C1orf146: variants seen among roughly 807,000 people sequenced by gnomAD.
The protein encoded by C1orf146 is chromosome 1 open reading frame 146.
A neutral mutation model predicts 23.0 loss-of-function variants in C1orf146; 22 were observed. The observed-to-expected ratio is 0.96, with a 90% CI of 0.68 to 1.36. The LOEUF (loss-of-function observed/expected upper bound fraction) is 1.36, where lower values mean the gene tolerates loss of function less well. Among genes scored for constraint, C1orf146 ranks in the 40% most tolerant of loss-of-function variants. C1orf146 has a pLI of 0.00. For missense variants in C1orf146, 199 were observed against 206.8 expected, an observed-to-expected ratio of 0.96 and a Z score of 0.23; for synonymous variants, 59 against 65.3, an observed-to-expected ratio of 0.90 and a Z score of 0.47.
In C1orf146 at chr1:92,231,470, T is replaced by C; in HGVS notation, c.50T>C (p.Ile17Thr). 1.2e-6 allele frequency: 2 copies of C among 1,610,714 alleles called. No homozygotes were observed. Among genetic ancestry groups the C allele is most frequent in the South Asian group, 2.2e-5 (2 of 90,160 alleles). ...EKIKWTTTII[I>T]SSSLKSYEVA... ...ATAAAATGGACAACCACCATTATTA[T>C]TAGCTCATCTCTTAAGGTAAAGGGG... The change falls in exon 2 of 6, where the codon ATT (isoleucine) becomes ACT (threonine). Residue 17 changes from isoleucine to threonine, a missense_variant. Ile to Thr is a moderately conservative substitution (Grantham distance 89, BLOSUM62 -1). Transcript: ENST00000370375.
At chr1:92,236,980 C>G (rs1325424368) in intron 2 of C1orf146, among the ~76,000 whole-genome samples, 1 of 152,178 alleles carries the variant, frequency 6.6e-6, no homozygotes, top group Non-Finnish European at 1.5e-5. Context: ...AAGCACTTCT[C>G]TGTATTGTTT....
chr1:92,235,083 G>A (rs1333896272), intron 2 of C1orf146, among the ~76,000 whole-genome samples: 1 of 151,852 alleles, frequency 6.6e-6, no homozygotes, highest in Non-Finnish European at 1.5e-5. Flanking sequence ...TTAATTTTTT[G>A]AAGGGTTTTT....
chr1:92,222,222 C>A (rs891947735), intron 1 of C1orf146, among the ~76,000 whole-genome samples: 10 of 152,108 alleles, frequency 6.6e-5, no homozygotes, highest in Non-Finnish European at 1.3e-4. Flanking sequence ...GCCATAGTGA[C>A]AGAGTGAGAT....
At chr1:92,239,996 A>G (rs1253728455) in intron 2 of C1orf146, among the ~76,000 whole-genome samples, 2 of 152,198 alleles carry the variant, frequency 1.3e-5, no homozygotes, top group Admixed American at 6.5e-5. Flanking sequence ...ACATCTGGCT[A>G]TGAGAGAATT....
intron 2 of C1orf146, among the ~76,000 whole-genome samples, chr1:92,234,634 T>C (rs1652227158): frequency 6.6e-6 from 1 of 152,232 alleles, no homozygotes; most frequent in African/African-American, 2.4e-5. Flanking sequence ...ATAAAATGAG[T>C]TAGGGAGGAT....
chr1:92,227,559 T>C (rs1234414900), intron 1 of C1orf146, among the ~76,000 whole-genome samples: 1 of 151,982 alleles, frequency 6.6e-6, no homozygotes, highest in Admixed American at 6.6e-5. Context: ...AAAATAAAAA[T>C]AAAGAACTTC....
intron 1 of C1orf146, among the ~76,000 whole-genome samples, chr1:92,218,477 T>C (rs1651735328): frequency 6.6e-6 from 1 of 150,934 alleles, no homozygotes; most frequent in African/African-American, 2.4e-5. Context: ...AACAAAACAG[T>C]AGCAACAAAA....
At chr1:92,222,524 TCCC>T (rs1275032008) in intron 1 of C1orf146, among the ~76,000 whole-genome samples, 26 of 143,448 alleles carry the variant, frequency 1.8e-4, no homozygotes, top group African/African-American at 6.2e-4. Context: ...TTTCCCATTA[TCCC>T]TTCTTCGGTT....
chr1:92,240,502 GATCT>G (rs1224064532), intron 2 of C1orf146, among the ~76,000 whole-genome samples: 2 of 152,260 alleles, frequency 1.3e-5, no homozygotes, highest in Admixed American at 6.5e-5. Flanking sequence ...TGTAGGTCAG[GATCT>G]ATCTGAGTGA....
At chr1:92,226,831 C>A (rs992458532) in intron 1 of C1orf146, among the ~76,000 whole-genome samples, 46 of 152,022 alleles carry the variant, frequency 3.0e-4, no homozygotes, top group Non-Finnish European at 5.4e-4. Flanking sequence ...GTTATATGTT[C>A]TTTTTTCTCT....
At chr1:92,242,802 G>T (rs868269310) in intron 3 of C1orf146, among the ~76,000 whole-genome samples, 12 of 152,298 alleles carry the variant, frequency 7.9e-5, no homozygotes, top group South Asian at 2.1e-4. Flanking sequence ...TAAGGAATTA[G>T]ATTAGGATAA....
chr1:92,223,352 T>A (rs1210215312), intron 1 of C1orf146, among the ~76,000 whole-genome samples: 1 of 152,248 alleles, frequency 6.6e-6, no homozygotes, highest in Non-Finnish European at 1.5e-5. Context: ...TTAGCCATTA[T>A]AATAGGTATG....
chr1:92,244,441 C>A, intron 4 of C1orf146, 56 bp downstream of exon 4: 3 of 1,353,580 alleles, frequency 2.2e-6, no homozygotes, highest in Non-Finnish European at 3.0e-6. Context: ...TATTTCAGTT[C>A]TTAATTCTTT....
intron 1 of C1orf146, chr1:92,229,147 G>T: frequency 5.7e-6 from 3 of 522,968 alleles, no homozygotes; most frequent in South Asian, 1.6e-5. Flanking sequence ...CGCTCTCGGG[G>T]TGCAATGATC....
chr1:92,234,424 C>T (rs1034642820), intron 2 of C1orf146, among the ~76,000 whole-genome samples: 72 of 152,176 alleles, frequency 4.7e-4, no homozygotes, highest in African/African-American at 1.5e-3. Flanking sequence ...TATTGATTTG[C>T]GTATATTGAA....
At chr1:92,243,846 A>C (rs1211119865) in intron 3 of C1orf146, among the ~76,000 whole-genome samples, 1 of 152,074 alleles carries the variant, frequency 6.6e-6, no homozygotes, top group African/African-American at 2.4e-5. Flanking sequence ...TTTATAATAA[A>C]CTAGTACATA....
intron 3 of C1orf146, among the ~76,000 whole-genome samples, chr1:92,243,584 ATC>A (rs1357013983): frequency 6.6e-6 from 1 of 152,108 alleles, no homozygotes; most frequent in Non-Finnish European, 1.5e-5. Flanking sequence ...TGACTTTGTG[ATC>A]CGCCCACCTC....
chr1:92,236,256 C>T (rs1208959901), intron 2 of C1orf146, among the ~76,000 whole-genome samples: 1 of 151,946 alleles, frequency 6.6e-6, no homozygotes. Flanking sequence ...CCGGTTGTTC[C>T]TTTCCATGTT....
chr1:92,243,427 A>G (rs900940806), intron 3 of C1orf146, among the ~76,000 whole-genome samples: 3 of 150,570 alleles, frequency 2.0e-5, no homozygotes, highest in African/African-American at 7.3e-5. Flanking sequence ...GCTCACTGCA[A>G]GCTCCGCCTC....
Sources: allele counts gnomAD v4.1 joint callset (sites outside exome capture counted in the v4.1 genomes callset), GRCh38; gene constraint gnomAD v4.1.1; transcripts MANE v1.5; gene names NCBI Gene and HGNC (gene_info 2026-07-23, HGNC 2026-07-21).